Variants in HIRA observed in about 807,000 individuals in gnomAD.
HIRA encodes the protein protein HIRA.
In HIRA, 13 loss-of-function variants were observed where a neutral mutation model predicts 126.6. The observed-to-expected ratio is 0.10, with a 90% CI of 0.07 to 0.16. The LOEUF is 0.16. Ranked by LOEUF, HIRA falls within the 10% of genes least tolerant of loss-of-function variation. The pLI, the probability that HIRA is intolerant of heterozygous loss-of-function variation, is 1.00. For missense variants in HIRA, 834 were observed against 1,314.4 expected (o/e 0.63, Z 5.65); for synonymous variants, 511 against 520.0 (o/e 0.98, Z 0.24).
intron 9 of HIRA, among the ~76,000 whole-genome samples, chr22:19,390,493 G>A (rs2089168269): frequency 6.7e-6 from 1 of 149,246 alleles, no homozygotes; most frequent in African/African-American, 2.5e-5. Flanking sequence ...GGAGGCTGAG[G>A]CAGGAGAATC....
intron 24 of HIRA, among the ~76,000 whole-genome samples, chr22:19,335,326 C>T (rs1227110311): frequency 6.6e-6 from 1 of 151,938 alleles, no homozygotes; most frequent in Non-Finnish European, 1.5e-5. Flanking sequence ...CTCACTGCAA[C>T]CTCTGCCTCT....
chr22:19,356,306 AAC>A lies in HIRA; in HGVS notation c.2397-20_2397-19del. On this transcript the variant is annotated intron_variant, in intron 19 of 24. Coordinates refer to ENST00000263208, the MANE Select transcript of HIRA (RefSeq NM_003325.4). ...GAACATCCCTAGGAGGGAGACAGGG[AAC>A]AGTTTACTCACCAACCCAGGTAAAC... 6.2e-7 allele frequency: 1 copy of A among 1,611,980 alleles called. No homozygotes were observed. The highest frequency in any genetic ancestry group is 8.5e-7 in the Non-Finnish European group (1 of 1,178,136).
At chr22:19,394,717 T>A (rs1601842104) in intron 7 of HIRA, among the ~76,000 whole-genome samples, 1 of 152,198 alleles carries the variant, frequency 6.6e-6, no homozygotes, top group South Asian at 2.1e-4. Context: ...TGCAGCATCC[T>A]ACACTCCCCC....
intron 24 of HIRA, among the ~76,000 whole-genome samples, chr22:19,348,383 A>C (rs1382768376): frequency 6.6e-6 from 1 of 152,250 alleles, no homozygotes; most frequent in Non-Finnish European, 1.5e-5. Context: ...AAGGCTCCTG[A>C]TACTAGAATT....
chr22:19,405,723 C>T (rs576924314), intron 5 of HIRA, 63 bp downstream of exon 5: 16 of 1,184,516 alleles, frequency 1.4e-5, no homozygotes, highest in East Asian at 1.1e-4. Context: ...GGGGACGTGG[C>T]GGTGCTGCTG....
In HIRA at chr22:19,361,950, T is replaced by C. The variant is rs769801888; in HGVS notation, c.1776-19A>G. The C allele has an allele frequency of 1.2e-6, 2 of 1,610,692 alleles. No homozygotes were observed. The highest frequency in any genetic ancestry group is 1.1e-5 in the South Asian group (1 of 90,980). Reference sequence around the variant, plus strand: ...TTTTAACCTGCACAAAAACATTACATCACACTTCCCTTCAGAAACCATTCA... The same window carrying C: ...TTTTAACCTGCACAAAAACATTACACCACACTTCCCTTCAGAAACCATTCA... On this transcript the variant is annotated intron_variant, in intron 15 of 24. Coordinates refer to ENST00000263208, the MANE Select transcript of HIRA (RefSeq NM_003325.4).
At position 19,331,148 on chromosome 22, in the gene HIRA, G is replaced by A. The variant is rs1052489173; in HGVS notation, c.*292C>T. The A allele has an allele frequency of 1.3e-5, 18 of 1,340,470 alleles. No individual in the cohort carries two copies. Among genetic ancestry groups the A allele is most frequent in the Non-Finnish European group, 1.5e-5 (15 of 1,021,404 alleles). 83.0% of individuals were successfully genotyped at this position (1,340,470 alleles called of 1,614,324 possible). A position where few individuals can be genotyped will look rare whatever the true frequency, so the allele number is the denominator to read the frequency against. ...TCCACCTTGGGGCCGTGCTGGAGAC[G>A]GCAGGCCTGGGACTGCCTTGCTGGC... On this transcript the variant is annotated 3_prime_UTR_variant, in exon 25 of 25. Coordinates refer to ENST00000263208, the MANE Select transcript of HIRA (RefSeq NM_003325.4).
At chr22:19,334,165 T>C (rs752458735) in intron 24 of HIRA, among the ~76,000 whole-genome samples, 51 of 151,436 alleles carry the variant, frequency 3.4e-4, no homozygotes, top group Middle Eastern at 3.4e-3. Context: ...TTAGTAGAGA[T>C]GGGGTTCCAC....
intron 15 of HIRA, among the ~76,000 whole-genome samples, chr22:19,363,472 C>A (rs1461984313): frequency 6.6e-6 from 1 of 151,798 alleles, no homozygotes; most frequent in African/African-American, 2.4e-5. Context: ...TAAATAAATA[C>A]AAGAAAAGGG....
Position 19,397,070 on chromosome 22 carries a change from C to A in HIRA, c.494-123G>T. The A allele has an allele frequency of 3.7e-6, 3 of 820,234 alleles. No homozygotes were observed. The South Asian group carries it at 5.0e-5, about 14-fold the overall frequency. 50.8% of individuals were successfully genotyped at this position (820,234 alleles called of 1,614,324 possible). A position where few individuals can be genotyped will look rare whatever the true frequency, so the allele number is the denominator to read the frequency against. ...CAGTCTGCCATGGCCAGCCCCCACA[C>A]CAGACAGAAGCAGAAGGGCCTCCTC... On this transcript the variant is annotated intron_variant, in intron 6 of 24. Transcript: ENST00000263208.
chr22:19,429,200 C>T (rs561760727), intron 1 of HIRA, among the ~76,000 whole-genome samples: 5 of 131,216 alleles, frequency 3.8e-5, no homozygotes, highest in African/African-American at 1.4e-4. Flanking sequence ...TGCAGTGGCG[C>T]GATCTCGGCT....
At chr22:19,384,724 G>A (rs1306660076) in intron 12 of HIRA, among the ~76,000 whole-genome samples, 2 of 151,386 alleles carry the variant, frequency 1.3e-5, no homozygotes, top group Non-Finnish European at 2.9e-5. Context: ...GCGCAGTCTC[G>A]GCACACTGCA....
At chr22:19,383,591 A>G (rs1174688975) in intron 13 of HIRA, 29 bp downstream of exon 13, 1 of 1,562,628 alleles carries the variant, frequency 6.4e-7, no homozygotes. Flanking sequence ...CTCGCCAGAT[A>G]AGACCATGAA....
rs1264242256 is a variant in HIRA, at chr22:19,394,404, C to T, written c.760G>A (p.Glu254Lys). Reference protein sequence around the residue: ...NNSGPTAQIIEREGWKTNMDF... With the variant: ...NNSGPTAQIIKREGWKTNMDF... ...ATGTTGGTCTTCCATCCCTCCCGTT[C>T]GATGATCTGGGCAGTGGGGCCTGAG... The change falls in exon 8 of 25, where the codon GAA becomes AAA. Residue 254 changes from glutamate (E) to lysine (K), a missense_variant. Glu to Lys is a moderately conservative substitution (Grantham distance 56). Coordinates refer to ENST00000263208, the MANE Select transcript of HIRA (RefSeq NM_003325.4). 1 of 1,614,060 alleles carries T rather than the reference C, an allele frequency of 6.2e-7. No homozygotes were observed. Among genetic ancestry groups the T allele is most frequent in the Admixed American group, 1.7e-5 (1 of 60,018 alleles).
chr22:19,340,453 C>CT (rs2088614318), intron 24 of HIRA, among the ~76,000 whole-genome samples: 1 of 152,110 alleles, frequency 6.6e-6, no homozygotes, highest in East Asian at 1.9e-4. Flanking sequence ...CCTGAGAACT[C>CT]TAACAGACAA....
In HIRA at chr22:19,351,045, C is replaced by T. The variant is rs1300558866; in HGVS notation, c.2937+313G>A. On this transcript the variant is annotated intron_variant, in intron 24 of 24. Coordinates refer to ENST00000263208, the MANE Select transcript of HIRA (RefSeq NM_003325.4). This position sits in a 1 kb window ranked among gnomAD's most constrained non-coding sequence, Gnocchi z 4.8. ...TGTTTATGTGTGCATCCCTACCAGA[C>T]CGAGCTCCACGAAGGCAGGGAAGTA... The T allele has an allele frequency of 1.3e-6, 1 of 784,508 alleles. No homozygotes were observed. The highest frequency in any genetic ancestry group is 1.5e-6 in the Non-Finnish European group (1 of 646,610). 48.6% of individuals were successfully genotyped at this position (784,508 alleles called of 1,614,324 possible). A position where few individuals can be genotyped will look rare whatever the true frequency, so the allele number is the denominator to read the frequency against.
rs190591546 is a variant in HIRA, at chr22:19,369,753, G to A, written c.1775+5878C>T. Among the ~76,000 whole-genome samples, 779 of 152,190 alleles carry A rather than the reference G, an allele frequency of 5.1e-3. 8 individuals carry two copies. The highest frequency in any genetic ancestry group is 0.018 in the African/African-American group (731 of 41,534). On this transcript the variant is annotated intron_variant, in intron 15 of 24. Coordinates refer to ENST00000263208, the MANE Select transcript of HIRA (RefSeq NM_003325.4). Reference sequence around the variant, plus strand: ...TCAAGACCAGCCTGGCCAACATGGTGAAACCCCATCTGTACTAAAAATACA... The same window carrying A: ...TCAAGACCAGCCTGGCCAACATGGTAAAACCCCATCTGTACTAAAAATACA...
chr22:19,358,477 G>T (rs756652), intron 18 of HIRA, among the ~76,000 whole-genome samples: 60,408 of 151,942 alleles, frequency 0.4, 13,842 homozygotes, highest in Non-Finnish European at 0.52. Flanking sequence ...TTGAGGGGAG[G>T]GACAGAGAGT....
chr22:19,356,625 G>C (rs938645986), intron 19 of HIRA, among the ~76,000 whole-genome samples: 3 of 152,222 alleles, frequency 2.0e-5, no homozygotes, highest in Non-Finnish European at 4.4e-5. Context: ...ATAGGACCCT[G>C]GCAGTGCAAC....
Sources: gnomAD v4.1 joint callset for allele counts (sites outside exome capture counted in the v4.1 genomes callset) on GRCh38, gnomAD v4.1.1 for gene constraint, Gnocchi (gnomAD v3.1) non-coding constraint, MANE v1.5 for transcripts, NCBI Gene and HGNC (gene_info 2026-07-23, HGNC 2026-07-21) for gene names.